Variants in MLH3 observed in about 807,000 individuals in gnomAD.
MLH3 encodes the protein DNA mismatch repair protein Mlh3.
Under a neutral mutation model 122.2 loss-of-function variants are expected in MLH3, and 82 were observed. That is an observed-to-expected ratio of 0.67 (90% CI 0.56 to 0.81). MLH3 has a LOEUF of 0.81. MLH3 is among the 30% of genes least tolerant of loss of function. MLH3 has a pLI of 0.00. For synonymous variants in MLH3, 524 were observed against 599.5 expected, an observed-to-expected ratio of 0.87 and a Z score of 1.84; for missense variants, 1,539 against 1,714.5, an observed-to-expected ratio of 0.90 and a Z score of 1.81.
intron 11 of MLH3, among the ~76,000 whole-genome samples, chr14:75,019,588 C>T (rs988554586): frequency 3.3e-5 from 5 of 152,082 alleles, no homozygotes; most frequent in African/African-American, 1.2e-4. Flanking sequence ...CAGAGTTTTT[C>T]TCCAAGAGGC....
chr14:75,046,290 A>T, intron 2 of MLH3, 86 bp downstream of exon 2: 2 of 1,349,806 alleles, frequency 1.5e-6, no homozygotes, highest in Admixed American at 1.7e-5. Context: ...TGTTGAGATA[A>T]TCTCTTTGGA....
At chr14:75,029,817 G>C (rs1890918240) in intron 9 of MLH3, among the ~76,000 whole-genome samples, 1 of 152,138 alleles carries the variant, frequency 6.6e-6, no homozygotes, top group African/African-American at 2.4e-5. Context: ...TTACAGGTGT[G>C]AGCCACCTTG....
At chr14:75,036,878 C>A in intron 6 of MLH3, 1 of 411,938 alleles carries the variant, frequency 2.4e-6, no homozygotes, top group South Asian at 1.8e-5. Context: ...CTGGTCCCAT[C>A]TAACCATGTC....
intron 2 of MLH3, among the ~76,000 whole-genome samples, chr14:75,043,215 CTG>C (rs1177082905): frequency 1.3e-5 from 2 of 152,198 alleles, no homozygotes; most frequent in African/African-American, 4.8e-5. Context: ...CAGAGAAGCC[CTG>C]TGTTAGACAT....
At chr14:75,042,568 AAACT>A (rs1891933756) in intron 2 of MLH3, 91 bp from the exon 3 acceptor site, 2 of 923,960 alleles carry the variant, frequency 2.2e-6, no homozygotes, top group African/African-American at 3.3e-5. Flanking sequence ...CTTTCTGCAC[AAACT>A]GAGTCAAGAC....
At chr14:75,024,609 T>A (rs1406574441) in intron 9 of MLH3, among the ~76,000 whole-genome samples, 1 of 152,224 alleles carries the variant, frequency 6.6e-6, no homozygotes, top group Admixed American at 6.5e-5. Flanking sequence ...CTCACCAGGC[T>A]AGAAGATAGA....
chr14:75,038,364 T>C lies in MLH3; in HGVS notation c.3619A>G (p.Lys1207Glu). 6.2e-7 allele frequency: 1 copy of C among 1,613,900 alleles called. No individual in the cohort carries two copies. The highest frequency in any genetic ancestry group is 1.1e-5 in the South Asian group (1 of 91,080). ...CCTGCCTCGCCATTCTCTTCAGTCTTAGTGCTCATCAAACAGGCAATAAAC... is the reference window on the plus strand; with the variant it reads ...CCTGCCTCGCCATTCTCTTCAGTCTCAGTGCTCATCAAACAGGCAATAAAC... ...NKFIACLMST[K>E]TEENGEAGGN... Residue 1207 changes from lysine (K) to glutamate (E), a missense_variant, in exon 6 of 13, where the codon AAG becomes GAG. Transcript: ENST00000355774.
chr14:75,043,048 T>C (rs1891979103), intron 2 of MLH3, among the ~76,000 whole-genome samples: 1 of 152,202 alleles, frequency 6.6e-6, no homozygotes, highest in Admixed American at 6.5e-5. Flanking sequence ...AGTGTTGGGA[T>C]TACAGGCGTG....
intron 6 of MLH3, chr14:75,036,557 C>T: frequency 2.4e-6 from 1 of 415,880 alleles, no homozygotes; most frequent in South Asian, 1.7e-5. Context: ...GTTGGCCAGG[C>T]TGGTCTCAAC....
At chr14:75,022,751 CG>C (rs1466977099) in intron 11 of MLH3, 62 bp downstream of exon 11, 79 of 1,433,774 alleles carry the variant, frequency 5.5e-5, no homozygotes, top group Non-Finnish European at 7.8e-5. Context: ...TTTGTAATCC[CG>C]GCAGCCCTGC....
chr14:75,039,845 C>CTATATA (rs1566594267), intron 5 of MLH3, 66 bp downstream of exon 5: 90 of 316,502 alleles, frequency 2.8e-4, no homozygotes, highest in African/African-American at 2.8e-3. Context: ...AAGAGTTAGG[C>CTATATA]CATATATATA....
Position 75,049,296 on chromosome 14 carries a change from A to G in MLH3, c.360T>C (p.Phe120=), listed in dbSNP as rs1892500587. ...CTTTTCCACTCTGAAACAGTTTCAC[A>G]AAAGTTTTCATTGTCCTGTTTTTCT... ...SSKKNRTMKT[F]VKLFQSGKAL... The change falls in exon 2 of 13, where the codon TTT becomes TTC. Residue 120 remains phenylalanine, a synonymous_variant. Transcript: ENST00000355774. The G allele has an allele frequency of 6.2e-7, 1 of 1,614,228 alleles. No homozygotes were observed. Among genetic ancestry groups the G allele is most frequent in the Non-Finnish European group, 8.5e-7 (1 of 1,180,042 alleles).
chr14:75,020,525 G>T (rs1358189531), intron 11 of MLH3, among the ~76,000 whole-genome samples: 1 of 152,190 alleles, frequency 6.6e-6, no homozygotes, highest in Non-Finnish European at 1.5e-5. Context: ...ATGACATTTG[G>T]TGATAGAGGA....
Position 75,048,306 on chromosome 14 carries a change from A to G in MLH3, c.1350T>C (p.His450=). Residue 450 remains histidine (H), a synonymous_variant, in exon 2 of 13, where the codon CAT becomes CAC. Transcript: ENST00000355774. ...GTAAAGATGGCTCTGTCATTTTGCT[A>G]TGGCCTGGACCACCTGATTCATAAA... ...LYIYESGGPG[H]SKMTEPSLQN... The G allele has an allele frequency of 1.2e-6, 2 of 1,614,092 alleles. No individual in the cohort carries two copies. The highest frequency in any genetic ancestry group is 1.7e-6 in the Non-Finnish European group (2 of 1,180,024).
At position 75,049,543 on chromosome 14, in the gene MLH3, G is replaced by T; in HGVS notation, c.113C>A (p.Ala38Glu). ...ELALNSIDAE[A>E]KCVAVRVNME... ...ATTCACCCTGACAGCCACACATTTT[G>T]CTTCAGCATCAATACTGTTGAGGGC... The change falls in exon 2 of 13, where the codon GCA becomes GAA. Residue 38 changes from alanine to glutamate, a missense_variant. By Grantham distance (107) the Ala-to-Glu change is moderately radical. Coordinates refer to ENST00000355774, the MANE Select transcript of MLH3 (RefSeq NM_001040108.2). The T allele has an allele frequency of 1.2e-6, 2 of 1,614,138 alleles. No individual in the cohort carries two copies.
chr14:75,050,702 A>G (rs1339470787), intron 1 of MLH3: 5 of 152,302 alleles, frequency 3.3e-5, no homozygotes, highest in Non-Finnish European at 5.9e-5. Context: ...GCCCGGCCAG[A>G]AGGTCATTAT....
Position 75,015,632 on chromosome 14 carries a change from T to C in MLH3, c.*1450A>G. The C allele has an allele frequency of 5.2e-6, 1 of 192,686 alleles. No homozygotes were observed. The allele number at this position is 192,686 out of a possible 1,614,324, so 11.9% of individuals were successfully genotyped here. On this transcript the variant is annotated 3_prime_UTR_variant, in exon 13 of 13. Coordinates refer to ENST00000355774, the MANE Select transcript of MLH3 (RefSeq NM_001040108.2). The stretch of plus-strand genomic sequence containing the variant: ...GTCATGTCTTCCCATCTATAAAACA[T>C]CCGTTTATATGTATTTAGAAGAATA...
In MLH3 at chr14:75,048,969, T is replaced by C. The variant is rs1380743150; in HGVS notation, c.687A>G (p.Lys229=). 1.9e-6 allele frequency: 3 copies of C among 1,613,480 alleles called. No individual in the cohort carries two copies. Among genetic ancestry groups the C allele is most frequent in the Non-Finnish European group, 2.5e-6 (3 of 1,179,826 alleles). ...AGCCACTAAGCTCAAACTCTTTATA[T>C]TTAAAACTTATTTCTCTTAGCTTTT... The part of the protein sequence containing the change: ...KSQKLREISF[K]YKEFELSGYI... The change falls in exon 2 of 13, where the codon AAA becomes AAG. Residue 229 remains lysine, a synonymous_variant. Coordinates refer to ENST00000355774, the MANE Select transcript of MLH3 (RefSeq NM_001040108.2).
Position 75,048,824 on chromosome 14 carries a change from T to C in MLH3, c.832A>G (p.Ile278Val), listed in dbSNP as rs753294129. 1 of 1,614,178 alleles carries C rather than the reference T, an allele frequency of 6.2e-7. No individual in the cohort carries two copies. Among genetic ancestry groups the C allele is most frequent in the South Asian group, 1.1e-5 (1 of 91,072 alleles). The change falls in exon 2 of 13, where the codon ATA becomes GTA. Residue 278 changes from isoleucine (I) to valine (V), a missense_variant. Ile to Val is a conservative substitution (Grantham distance 29). Coordinates refer to ENST00000355774, the MANE Select transcript of MLH3 (RefSeq NM_001040108.2). ...IDFLLRKESI[I>V]CKPKNGPTSR... ...GTGGGACCATTCTTTGGCTTGCATATAATACTTTCTTTCCTTAATAAAAAG... is the reference window on the plus strand; with the variant it reads ...GTGGGACCATTCTTTGGCTTGCATACAATACTTTCTTTCCTTAATAAAAAG...
Sources: allele counts gnomAD v4.1 joint callset (sites outside exome capture counted in the v4.1 genomes callset), GRCh38; gene constraint gnomAD v4.1.1; transcripts MANE v1.5; gene names NCBI Gene and HGNC (gene_info 2026-07-23, HGNC 2026-07-21).